The following SGCZ variants were observed in gnomAD, a reference collection of about 807,000 sequenced individuals.
SGCZ encodes the protein sarcoglycan zeta, also known as zeta-sarcoglycan.
SGCZ carries 40 observed loss-of-function variants against 41.3 expected under a neutral mutation model. The observed-to-expected ratio is 0.97, with a 90% CI of 0.75 to 1.26. The LOEUF (loss-of-function observed/expected upper bound fraction) is 1.26, where lower values mean the gene tolerates loss of function less well. Ranked by LOEUF, SGCZ falls within the 50% of genes most tolerant of loss-of-function variation. SGCZ has a pLI of 0.00. For missense variants in SGCZ, 552 were observed against 369.8 expected, an observed-to-expected ratio of 1.49 and a Z score of -4.04; for synonymous variants, 206 against 137.5, an observed-to-expected ratio of 1.50 and a Z score of -3.49.
rs879419064 is a variant in SGCZ at position 14,320,468 on chromosome 8, A to ATTATTATTATTTTATTAT, written c.336+3634_336+3635insATAATAAAATAATAATAA. The stretch of plus-strand genomic sequence containing the variant: ...TATAATTATTATTACTATTATTATT[A>ATTATTATTATTTTATTAT]TATTATTATACTTTAAGTTCTAGGG... On this transcript the variant is annotated intron_variant, in intron 3 of 7. Coordinates refer to ENST00000382080, the MANE Select transcript of SGCZ (RefSeq NM_139167.4). Among the ~76,000 whole-genome samples the ATTATTATTATTTTATTAT allele has an allele frequency of 2.3e-3, 346 of 150,948 alleles. 2 individuals carry two copies. Among genetic ancestry groups the ATTATTATTATTTTATTAT allele is most frequent in the Middle Eastern group, 7.0e-3 (2 of 284 alleles).
At chr8:14,267,040 C>T (rs939246772) in intron 3 of SGCZ, among the ~76,000 whole-genome samples, 4 of 152,000 alleles carry the variant, frequency 2.6e-5, no homozygotes, top group Admixed American at 2.0e-4. Context: ...TATGTTTTTA[C>T]AGGGTTTCAC....
chr8:14,947,701 C>T (rs189220784), intron 1 of SGCZ, among the ~76,000 whole-genome samples: 1 of 152,274 alleles, frequency 6.6e-6, no homozygotes, highest in Admixed American at 6.5e-5. Context: ...TTATAGATGA[C>T]ACCTGAAAGA....
chr8:14,613,970 A>T (rs987751440), intron 1 of SGCZ, among the ~76,000 whole-genome samples: 7 of 152,146 alleles, frequency 4.6e-5, no homozygotes, highest in African/African-American at 1.4e-4. Flanking sequence ...TGACAGATTG[A>T]TTTTTTTAGA....
At chr8:14,105,446 A>G (rs1015965781) in intron 6 of SGCZ, among the ~76,000 whole-genome samples, 1 of 152,288 alleles carries the variant, frequency 6.6e-6, no homozygotes, top group East Asian at 1.9e-4. Flanking sequence ...TGGCCAACCA[A>G]TGAAACCGTG....
intron 1 of SGCZ, among the ~76,000 whole-genome samples, chr8:14,973,438 T>G (rs1212831673): frequency 6.6e-6 from 1 of 152,214 alleles, no homozygotes; most frequent in African/African-American, 2.4e-5. Context: ...AGCACTTGAA[T>G]GTCCTACTCA....
intron 3 of SGCZ, among the ~76,000 whole-genome samples, chr8:14,308,745 G>C (rs970693187): frequency 3.3e-5 from 5 of 151,918 alleles, no homozygotes; most frequent in Admixed American, 6.6e-5. Flanking sequence ...TTGTGCCGCG[G>C]TACCATGCCA....
At chr8:14,214,825 T>C (rs538759840) in intron 4 of SGCZ, among the ~76,000 whole-genome samples, 1 of 152,198 alleles carries the variant, frequency 6.6e-6, no homozygotes, top group African/African-American at 2.4e-5. Context: ...ATAGAAATCA[T>C]AAGCAGGTAT....
intron 2 of SGCZ, among the ~76,000 whole-genome samples, chr8:14,427,929 T>C (rs1327888818): frequency 6.6e-6 from 1 of 152,082 alleles, no homozygotes; most frequent in East Asian, 1.9e-4. Context: ...GCACTTACAT[T>C]CTATTAGGTA....
intron 3 of SGCZ, chr8:14,309,293 T>A: frequency 6.3e-7 from 1 of 1,579,360 alleles, no homozygotes. Flanking sequence ...CTGTGACTAC[T>A]CACTTTTTAA....
At chr8:14,709,573 G>C (rs983440106) in intron 1 of SGCZ, among the ~76,000 whole-genome samples, 4 of 151,778 alleles carry the variant, frequency 2.6e-5, no homozygotes, top group African/African-American at 9.7e-5. Flanking sequence ...GCATAAGCAG[G>C]AATGCAAAGT....
intron 1 of SGCZ, among the ~76,000 whole-genome samples, chr8:14,996,048 C>T (rs182974995): frequency 2.6e-5 from 4 of 151,854 alleles, no homozygotes; most frequent in Admixed American, 6.6e-5. Flanking sequence ...AGACTACAGG[C>T]GCCCGCCACC....
chr8:14,221,696 G>A (rs1277803407), intron 4 of SGCZ, among the ~76,000 whole-genome samples: 2 of 152,098 alleles, frequency 1.3e-5, no homozygotes, highest in Non-Finnish European at 2.9e-5. Flanking sequence ...AGCACTTTGG[G>A]AGACCGAGGA....
chr8:15,212,292 G>GT (rs1801258523), intron 1 of SGCZ, among the ~76,000 whole-genome samples: 2 of 152,114 alleles, frequency 1.3e-5, no homozygotes, highest in Admixed American at 1.3e-4. Context: ...AGAAGAGACT[G>GT]TTTTGCACAG....
At chr8:15,112,052 A>C (rs1236618824) in intron 1 of SGCZ, among the ~76,000 whole-genome samples, 5 of 152,142 alleles carry the variant, frequency 3.3e-5, no homozygotes, top group East Asian at 1.9e-4. Context: ...TATGAGCACT[A>C]TCTCACTGTT....
intron 1 of SGCZ, among the ~76,000 whole-genome samples, chr8:14,611,297 T>C (rs1001420434): frequency 6.8e-6 from 1 of 147,720 alleles, no homozygotes; most frequent in Non-Finnish European, 1.5e-5. Context: ...ATCTTCACTA[T>C]CTCAAATGGA....
rs1328809617 is a variant in SGCZ, at chr8:14,678,194, T to A, written c.40-123268A>T. Among the ~76,000 whole-genome samples, 4 of 152,182 alleles carry A rather than the reference T, an allele frequency of 2.6e-5. No individual in the cohort carries two copies. The East Asian group carries it at 7.7e-4, about 29-fold the overall frequency. The stretch of plus-strand genomic sequence containing the variant: ...TGGAACAAAGAATTAATAAATTGGA[T>A]TTCATTAAAATAAAATGAAAACTTC... On this transcript the variant is annotated intron_variant, in intron 1 of 7. Coordinates refer to ENST00000382080, the MANE Select transcript of SGCZ (RefSeq NM_139167.4).
intron 3 of SGCZ, among the ~76,000 whole-genome samples, chr8:14,322,626 G>C (rs7828313): frequency 0.9 from 136,519 of 152,124 alleles, 61,533 homozygotes; most frequent in Middle Eastern, 0.95. Context: ...CCCACGTAGC[G>C]ACTACAAATG....
chr8:14,134,977 C>T lies in SGCZ; in HGVS notation c.548-26742G>A, dbSNP rs2117066189. On this transcript the variant is annotated intron_variant, in intron 5 of 7. Coordinates refer to ENST00000382080, the MANE Select transcript of SGCZ (RefSeq NM_139167.4). ...AAACACACAGTAGCGTATCCACTTA[C>T]ATACTGTCTATAGATACCTTCACAC... is the stretch of plus-strand genomic sequence containing the variant. Among the ~76,000 whole-genome samples the T allele has an allele frequency of 2.0e-5, 3 of 152,258 alleles. No homozygotes were observed. The South Asian group carries it at 6.2e-4, about 32-fold the overall frequency.
At chr8:14,823,774 G>C (rs1373061530) in intron 1 of SGCZ, among the ~76,000 whole-genome samples, 1 of 152,150 alleles carries the variant, frequency 6.6e-6, no homozygotes, top group African/African-American at 2.4e-5. Flanking sequence ...GATACCTGGA[G>C]TTACATGTTT....
Sources: allele counts gnomAD v4.1 joint callset (sites outside exome capture counted in the v4.1 genomes callset), GRCh38; gene constraint gnomAD v4.1.1; transcripts MANE v1.5; gene names NCBI Gene and HGNC (gene_info 2026-07-23, HGNC 2026-07-21).